Variants in GPR158 observed in about 807,000 individuals in gnomAD.
GPR158 encodes metabotropic glycine receptor.
Under a neutral mutation model 78.2 loss-of-function variants are expected in GPR158, and 30 were observed. The ratio of observed to expected loss-of-function variants is 0.38; its 90% CI spans 0.29 to 0.52. GPR158 has a LOEUF of 0.52. GPR158 is among the 20% of genes least tolerant of loss of function. GPR158 has a pLI of 0.83. For synonymous variants in GPR158, 581 were observed against 591.1 expected (o/e 0.98, Z 0.25); for missense variants, 1,463 against 1,523.5 (o/e 0.96, Z 0.66).
chr10:25,189,281 T>C (rs1852735543), intron 1 of GPR158, among the ~76,000 whole-genome samples: 1 of 152,234 alleles, frequency 6.6e-6, no homozygotes, highest in Non-Finnish European at 1.5e-5. Context: ...ATCCCATTAC[T>C]GGGTATACGC....
intron 2 of GPR158, among the ~76,000 whole-genome samples, chr10:25,245,918 T>C (rs1853683558): frequency 6.6e-6 from 1 of 152,260 alleles, no homozygotes; most frequent in Non-Finnish European, 1.5e-5. Context: ...TTATTTGTTA[T>C]TATTGAAAGA....
intron 4 of GPR158, among the ~76,000 whole-genome samples, chr10:25,456,922 TG>T (rs963415244): frequency 6.6e-6 from 1 of 152,040 alleles, no homozygotes; most frequent in Admixed American, 6.6e-5. Context: ...AGATTTTTCA[TG>T]GGGGGTCTTT....
intron 2 of GPR158, among the ~76,000 whole-genome samples, chr10:25,384,914 C>A (rs976856109): frequency 1.3e-5 from 2 of 152,084 alleles, no homozygotes; most frequent in Non-Finnish European, 2.9e-5. Context: ...ACATACACAT[C>A]TTTGAACTAG....
At chr10:25,414,962 G>A (rs1834639950) in intron 4 of GPR158, among the ~76,000 whole-genome samples, 1 of 152,082 alleles carries the variant, frequency 6.6e-6, no homozygotes, top group Admixed American at 6.5e-5. Context: ...GAATTGCTTA[G>A]CCTTTTATTG....
chr10:25,318,617 T>C (rs111443750), intron 2 of GPR158, among the ~76,000 whole-genome samples: 2,345 of 152,272 alleles, frequency 0.015, 67 homozygotes, highest in African/African-American at 0.053. Context: ...ATGTTTGTAG[T>C]GTTCTCTCTT....
In GPR158 at chr10:25,572,858, T is replaced by C. The variant is rs190950190; in HGVS notation, c.1724T>C (p.Ile575Thr). The C allele has an allele frequency of 1.1e-5, 18 of 1,610,592 alleles. No individual in the cohort carries two copies. In the East Asian group the frequency reaches 1.8e-4, roughly 16 times the overall value. ...CACCTCATCTTCAATATGTGCCTCATTGACCGCTGGGACTACATGACAGCA... is the reference window on the plus strand; with the variant it reads ...CACCTCATCTTCAATATGTGCCTCACTGACCGCTGGGACTACATGACAGCA... ...SDHLIFNMCL[I>T]DRWDYMTAVA... The change falls in exon 7 of 11, where the codon ATT becomes ACT. Residue 575 changes from isoleucine (I) to threonine (T), a missense_variant. Ile to Thr is a moderately conservative substitution (Grantham distance 89, BLOSUM62 -1). Transcript: ENST00000376351.
At chr10:25,557,202 G>T (rs550249508) in intron 6 of GPR158, among the ~76,000 whole-genome samples, 1 of 152,214 alleles carries the variant, frequency 6.6e-6, no homozygotes, top group East Asian at 1.9e-4. Context: ...TGTAGTTATG[G>T]GTCTTAGTTT....
chr10:25,398,365 G>A (rs187252414), intron 3 of GPR158, among the ~76,000 whole-genome samples: 21 of 152,206 alleles, frequency 1.4e-4, no homozygotes, highest in Non-Finnish European at 2.4e-4. Flanking sequence ...TGGCGACACC[G>A]GAGCTACTCT....
At chr10:25,372,572 A>G (rs1208492179) in intron 2 of GPR158, among the ~76,000 whole-genome samples, 1 of 147,758 alleles carries the variant, frequency 6.8e-6, no homozygotes, top group Non-Finnish European at 1.5e-5. Context: ...CATGGACGAA[A>G]TTGGAAATCA....
At chr10:25,440,104 A>G (rs926401396) in intron 4 of GPR158, among the ~76,000 whole-genome samples, 2 of 152,206 alleles carry the variant, frequency 1.3e-5, no homozygotes, top group Non-Finnish European at 2.9e-5. Context: ...TTTTATTGTT[A>G]GTAATGTTTA....
intron 4 of GPR158, among the ~76,000 whole-genome samples, chr10:25,450,233 C>T (rs948247001): frequency 6.6e-6 from 1 of 152,034 alleles, no homozygotes; most frequent in South Asian, 2.1e-4. Context: ...GGAGCAGCTG[C>T]ATGCATAAAA....
chr10:25,389,105 G>A (rs546568110), intron 2 of GPR158, among the ~76,000 whole-genome samples: 1 of 152,234 alleles, frequency 6.6e-6, no homozygotes, highest in Non-Finnish European at 1.5e-5. Flanking sequence ...ATGGTGGCAG[G>A]CATCAGACAA....
rs185186996 is a variant in GPR158, at chr10:25,320,336, C to T, written c.1009-75575C>T. 3.9e-3 allele frequency among the ~76,000 whole-genome samples: 601 copies of T among 152,282 alleles called. 5 individuals are homozygous for T. Among genetic ancestry groups the T allele is most frequent in the Non-Finnish European group, 6.9e-3 (472 of 68,024 alleles). On this transcript the variant is annotated intron_variant, in intron 2 of 10. Coordinates refer to ENST00000376351, the MANE Select transcript of GPR158 (RefSeq NM_020752.3). Reference sequence around the variant, plus strand: ...CAGAGGACAAAATGGTGTTAGAAATCTTTAAGTTGCATCTTATTCATTAAG... The same window carrying T: ...CAGAGGACAAAATGGTGTTAGAAATTTTTAAGTTGCATCTTATTCATTAAG...
At chr10:25,324,914 C>G (rs1855008576) in intron 2 of GPR158, among the ~76,000 whole-genome samples, 1 of 148,272 alleles carries the variant, frequency 6.7e-6, no homozygotes, top group Non-Finnish European at 1.5e-5. Context: ...TCATAGCTCA[C>G]TCCAGCCTTG....
At chr10:25,273,877 G>A (rs1002452077) in intron 2 of GPR158, among the ~76,000 whole-genome samples, 3 of 151,720 alleles carry the variant, frequency 2.0e-5, no homozygotes, top group Non-Finnish European at 4.4e-5. Flanking sequence ...ATAGGGTTTT[G>A]TCATGTTGCC....
At chr10:25,411,725 G>A (rs1226172543) in intron 3 of GPR158, among the ~76,000 whole-genome samples, 6 of 151,664 alleles carry the variant, frequency 4.0e-5, no homozygotes, top group African/African-American at 1.2e-4. Context: ...CACAAGGTCC[G>A]GAGATCGAGA....
chr10:25,361,546 C>T (rs1406174774), intron 2 of GPR158, among the ~76,000 whole-genome samples: 1 of 151,868 alleles, frequency 6.6e-6, no homozygotes, highest in Non-Finnish European at 1.5e-5. Context: ...ATTTAAAATT[C>T]CTACCAACAA....
At chr10:25,328,725 A>AC (rs1855070962) in intron 2 of GPR158, among the ~76,000 whole-genome samples, 1 of 151,894 alleles carries the variant, frequency 6.6e-6, no homozygotes, top group Non-Finnish European at 1.5e-5. Context: ...TCAGGGGTTC[A>AC]AGACCAACCT....
chr10:25,196,775 G>A (rs1203216015), intron 1 of GPR158, among the ~76,000 whole-genome samples: 1 of 152,032 alleles, frequency 6.6e-6, no homozygotes, highest in East Asian at 1.9e-4. Flanking sequence ...TTGATTTTTT[G>A]CTTGGGAAAA....
Sources: gnomAD v4.1 joint callset for allele counts (sites outside exome capture counted in the v4.1 genomes callset) on GRCh38, gnomAD v4.1.1 for gene constraint, MANE v1.5 for transcripts, NCBI Gene and HGNC (gene_info 2026-07-23, HGNC 2026-07-21) for gene names.